MED15: variants seen among roughly 807,000 people sequenced by gnomAD.
The protein encoded by MED15 is mediator of RNA polymerase II transcription subunit 15.
A neutral mutation model predicts 118.7 loss-of-function variants in MED15; 41 were observed. The observed-to-expected ratio is 0.35, with a 90% CI of 0.27 to 0.45. The LOEUF is 0.45. Among genes scored for constraint, MED15 ranks in the 20% least tolerant of loss-of-function variants. MED15 has a pLI of 1.00. For synonymous variants in MED15, 436 were observed against 413.9 expected (o/e 1.05, Z -0.65); for missense variants, 740 against 1,025.5 (o/e 0.72, Z 3.80).
At chr22:20,566,370 G>A (rs2056438744) in intron 6 of MED15, 97 bp from the exon 7 acceptor site, 3 of 1,558,814 alleles carry the variant, frequency 1.9e-6, no homozygotes, top group South Asian at 2.4e-5. Context: ...TCTGCAGATG[G>A]CCACCTGGGC....
intron 2 of MED15, among the ~76,000 whole-genome samples, chr22:20,540,892 T>TCAA (rs34408752): frequency 0.53 from 79,020 of 149,854 alleles, 21,269 homozygotes; most frequent in Admixed American, 0.68. Context: ...CTCCTACAAC[T>TCAA]CAACAACAAC....
intron 2 of MED15, among the ~76,000 whole-genome samples, chr22:20,543,111 T>TTGTGTGTGTGTGTGTG (rs61279859): frequency 4.3e-5 from 6 of 141,176 alleles, no homozygotes; most frequent in East Asian, 2.1e-4. Flanking sequence ...TCTCTCTTCT[T>TTGTGTGTGTGTGTGTG]TGTGTGTGTG....
chr22:20,511,943 C>A (rs1220997374), intron 1 of MED15, among the ~76,000 whole-genome samples: 5 of 150,150 alleles, frequency 3.3e-5, no homozygotes, highest in Non-Finnish European at 7.4e-5. Context: ...CTACCCCCAC[C>A]GTGTTCTGAC....
chr22:20,542,481 A>G (rs1029301216), intron 2 of MED15, among the ~76,000 whole-genome samples: 3 of 152,216 alleles, frequency 2.0e-5, no homozygotes, highest in Non-Finnish European at 4.4e-5. Context: ...GACATGTTGC[A>G]TTTTTATAAA....
At chr22:20,508,135 A>G in intron 1 of MED15, 1 of 1,233,592 alleles carries the variant, frequency 8.1e-7, no homozygotes, top group Non-Finnish European at 1.0e-6. Flanking sequence ...CTTCCAGAAA[A>G]GCGCATCAAC....
chr22:20,558,874 TCA>T (rs2056121012), intron 5 of MED15, among the ~76,000 whole-genome samples: 1 of 152,004 alleles, frequency 6.6e-6, no homozygotes, highest in African/African-American at 2.4e-5. Flanking sequence ...CATACAAAGA[TCA>T]CCAGCCTTGA....
At chr22:20,582,475 G>A in intron 9 of MED15, 136 bp from the exon 10 acceptor site, 2 of 1,361,844 alleles carry the variant, frequency 1.5e-6, no homozygotes, top group Non-Finnish European at 2.0e-6. Context: ...TGTATGTCCA[G>A]GTGGCATTTG....
At chr22:20,566,009 A>T (rs1219458343) in intron 6 of MED15, among the ~76,000 whole-genome samples, 1 of 148,274 alleles carries the variant, frequency 6.7e-6, no homozygotes, top group Non-Finnish European at 1.5e-5. Flanking sequence ...GTGAGAGGTC[A>T]GCCTGTCAGC....
chr22:20,584,116 G>T, intron 13 of MED15: 1 of 563,098 alleles, frequency 1.8e-6, no homozygotes, highest in South Asian at 2.1e-5. Flanking sequence ...TTCACAGCCT[G>T]ATCAGGGGCC....
chr22:20,558,517 A>G (rs565474941), intron 5 of MED15, among the ~76,000 whole-genome samples: 13 of 152,268 alleles, frequency 8.5e-5, no homozygotes, highest in African/African-American at 3.1e-4. Flanking sequence ...TGAGTTTTAT[A>G]TGACGTGCAT....
chr22:20,512,795 T>C (rs117720878), intron 1 of MED15, among the ~76,000 whole-genome samples: 2,128 of 149,180 alleles, frequency 0.014, 38 homozygotes, highest in Non-Finnish European at 0.018. Context: ...CACTCTGGAG[T>C]GCAATGGTGT....
rs1241556290 is a variant in MED15 at position 20,538,878 on chromosome 22, T to G, written c.156+1674T>G. On this transcript the variant is annotated intron_variant, in intron 2 of 17. Transcript: ENST00000263205. ...CCACACCCGACTAATTTTTTGTATT[T>G]TTAGTAGAGACTGGGTTTCATCATG... Among the ~76,000 whole-genome samples, 3 of 152,096 alleles carry G rather than the reference T, an allele frequency of 2.0e-5. No homozygotes were observed. The East Asian group carries it at 5.8e-4, about 29-fold the overall frequency.
intron 1 of MED15, among the ~76,000 whole-genome samples, chr22:20,535,403 G>A (rs757825399): frequency 3.9e-5 from 6 of 152,086 alleles, no homozygotes; most frequent in Admixed American, 1.3e-4. Flanking sequence ...CTGTAGCCCC[G>A]TCTGTACATT....
At chr22:20,553,570 T>C (rs2055873662) in intron 4 of MED15, among the ~76,000 whole-genome samples, 1 of 152,240 alleles carries the variant, frequency 6.6e-6, no homozygotes, top group Non-Finnish European at 1.5e-5. Flanking sequence ...TTACAAAGTT[T>C]CTTTGTAAAT....
chr22:20,575,302 C>T (rs1601625727), intron 9 of MED15, 70 bp downstream of exon 9: 1 of 1,553,646 alleles, frequency 6.4e-7, no homozygotes, highest in South Asian at 1.1e-5. Context: ...TTGTAAAGCG[C>T]ACCTGTCATT....
At chr22:20,552,869 G>C (rs2055834654) in intron 3 of MED15, among the ~76,000 whole-genome samples, 1 of 152,198 alleles carries the variant, frequency 6.6e-6, no homozygotes, top group Non-Finnish European at 1.5e-5. Flanking sequence ...AGCCAGAGTA[G>C]GCCCAGGGTC....
chr22:20,517,335 C>A (rs976560046), intron 1 of MED15, among the ~76,000 whole-genome samples: 3 of 152,220 alleles, frequency 2.0e-5, no homozygotes, highest in Non-Finnish European at 4.4e-5. Context: ...CTGCACCTGC[C>A]TGCCAGTTCC....
At chr22:20,559,225 T>C (rs1173525535) in intron 5 of MED15, among the ~76,000 whole-genome samples, 1 of 152,074 alleles carries the variant, frequency 6.6e-6, no homozygotes, top group African/African-American at 2.4e-5. Context: ...TCAGGAGCAA[T>C]GAAGCAGATT....
intron 2 of MED15, among the ~76,000 whole-genome samples, chr22:20,537,828 C>CGT (rs2055140151): frequency 6.6e-6 from 1 of 152,144 alleles, no homozygotes; most frequent in African/African-American, 2.4e-5. Flanking sequence ...CTTGTGTGCA[C>CGT]GTGTGTGTGC....
Sources: allele counts gnomAD v4.1 joint callset (sites outside exome capture counted in the v4.1 genomes callset), GRCh38; gene constraint gnomAD v4.1.1; transcripts MANE v1.5; gene names NCBI Gene and HGNC (gene_info 2026-07-23, HGNC 2026-07-21).